MDGA2: variants seen among roughly 807,000 people sequenced by gnomAD.
The protein encoded by MDGA2 is MAM domain-containing glycosylphosphatidylinositol anchor protein 2.
Under a neutral mutation model 117.8 loss-of-function variants are expected in MDGA2, and 40 were observed. The observed-to-expected ratio is 0.34, with a 90% CI of 0.26 to 0.44. The LOEUF (loss-of-function observed/expected upper bound fraction) is 0.44. Among genes scored for constraint, MDGA2 ranks in the 20% least tolerant of loss-of-function variants. The probability of loss-of-function intolerance (pLI) is 1.00; values close to 1 mark genes in which losing one functional copy is unlikely to be tolerated. For missense variants in MDGA2, 1,123 were observed against 1,250.6 expected, an observed-to-expected ratio of 0.90 and a Z score of 1.54; for synonymous variants, 452 against 439.0, an observed-to-expected ratio of 1.03 and a Z score of -0.37.
intron 1 of MDGA2, among the ~76,000 whole-genome samples, chr14:47,383,801 T>A (rs7152403): frequency 0.72 from 109,803 of 151,958 alleles, 39,953 homozygotes; most frequent in Middle Eastern, 0.82. Flanking sequence ...CTGGTATTAC[T>A]GGCGTGAACC....
intron 2 of MDGA2, among the ~76,000 whole-genome samples, chr14:47,228,397 TG>T (rs34669065): frequency 0.11 from 16,499 of 152,182 alleles, 1,213 homozygotes; most frequent in Non-Finnish European, 0.17. Context: ...GACTTTATGA[TG>T]GTGTGAAAAC....
chr14:47,271,681 C>T (rs926719389), intron 2 of MDGA2, among the ~76,000 whole-genome samples: 18 of 151,262 alleles, frequency 1.2e-4, no homozygotes, highest in African/African-American at 4.2e-4. Context: ...TTCTTTTCTC[C>T]CTTTAGACAT....
intron 1 of MDGA2, among the ~76,000 whole-genome samples, chr14:47,474,109 A>G (rs192052630): frequency 6.6e-6 from 1 of 152,336 alleles, no homozygotes; most frequent in East Asian, 1.9e-4. Context: ...AAGCTTCTTA[A>G]GCTGATAAAC....
chr14:47,360,087 C>T (rs1470935311), intron 1 of MDGA2, among the ~76,000 whole-genome samples: 1 of 152,104 alleles, frequency 6.6e-6, no homozygotes, highest in Non-Finnish European at 1.5e-5. Flanking sequence ...TGCAGTGGCT[C>T]ATGCCTGTAA....
At chr14:47,046,382 C>A (rs1421509937) in intron 7 of MDGA2, among the ~76,000 whole-genome samples, 1 of 151,644 alleles carries the variant, frequency 6.6e-6, no homozygotes, top group Non-Finnish European at 1.5e-5. Flanking sequence ...TGTTCTCACT[C>A]ATAGGTGGGA....
intron 8 of MDGA2, among the ~76,000 whole-genome samples, chr14:47,014,833 G>C (rs1362005814): frequency 6.6e-6 from 1 of 152,110 alleles, no homozygotes. Flanking sequence ...CACTGGAGTA[G>C]CACTTTTAGT....
chr14:47,466,784 A>G (rs181950508), intron 1 of MDGA2, among the ~76,000 whole-genome samples: 4 of 152,176 alleles, frequency 2.6e-5, no homozygotes, highest in African/African-American at 9.6e-5. Flanking sequence ...GATATATTGG[A>G]TATTAATATA....
Position 47,272,482 on chromosome 14 carries a change from G to T in MDGA2, c.420+28929C>A, listed in dbSNP as rs188285698. Among the ~76,000 whole-genome samples the T allele has an allele frequency of 2.1e-3, 320 of 152,192 alleles. 1 individual carries two copies. Among genetic ancestry groups the T allele is most frequent in the Non-Finnish European group, 3.4e-3 (232 of 68,002 alleles). ...GGGGGAGTTGAAAGACGAAGGGAAG[G>T]AAAAGTTCTCACCTATCCTCTGCCC... On this transcript the variant is annotated intron_variant, in intron 2 of 16. Transcript: ENST00000399232.
intron 2 of MDGA2, among the ~76,000 whole-genome samples, chr14:47,282,118 A>G (rs1566718389): frequency 6.6e-6 from 1 of 152,078 alleles, no homozygotes; most frequent in Admixed American, 6.6e-5. Context: ...GTTTGTATAG[A>G]AAAGTCAGGA....
intron 8 of MDGA2, among the ~76,000 whole-genome samples, chr14:46,980,210 G>C (rs935155196): frequency 5.9e-5 from 9 of 152,168 alleles, no homozygotes; most frequent in Admixed American, 5.9e-4. Context: ...TTTGGAAAAA[G>C]TTGATCCCAA....
chr14:46,920,197 C>T (rs778232500), intron 9 of MDGA2, 37 bp from the exon 10 acceptor site: 2 of 1,591,868 alleles, frequency 1.3e-6, no homozygotes, highest in South Asian at 2.3e-5. Flanking sequence ...TGAATGATGA[C>T]ATATTGTAGT....
At chr14:47,471,912 T>A (rs1893736056) in intron 1 of MDGA2, among the ~76,000 whole-genome samples, 1 of 152,150 alleles carries the variant, frequency 6.6e-6, no homozygotes, top group South Asian at 2.1e-4. Context: ...ACCAGGCTTG[T>A]ACAAATAGAA....
intron 1 of MDGA2, among the ~76,000 whole-genome samples, chr14:47,484,833 C>T (rs976481955): frequency 4.6e-5 from 7 of 152,086 alleles, no homozygotes; most frequent in Non-Finnish European, 1.0e-4. Flanking sequence ...TGCCACCATC[C>T]ATGTAGGATG....
rs372150369 is a variant in MDGA2, at chr14:47,228,627, C to T, written c.421-10432G>A. On this transcript the variant is annotated intron_variant, in intron 2 of 16. Transcript: ENST00000399232. ...AGGTAAATTAATGCATTTTTTTCTG[C>T]TTACAATGGGTTTATTGGAATGTAA... Among the ~76,000 whole-genome samples, 11 of 152,032 alleles carry T rather than the reference C, an allele frequency of 7.2e-5. No homozygotes were observed. The East Asian group carries it at 9.7e-4, about 13-fold the overall frequency.
chr14:47,317,873 T>C lies in MDGA2; in HGVS notation c.281-16323A>G, dbSNP rs2139863893. ...CTGTGCCCAGCTGTCTACTTGACAGTTTCTCTTGATGTCTTAAATATATCC... is the reference window on the plus strand; with the variant it reads ...CTGTGCCCAGCTGTCTACTTGACAGCTTCTCTTGATGTCTTAAATATATCC... On this transcript the variant is annotated intron_variant, in intron 1 of 16. Coordinates refer to ENST00000399232, the MANE Select transcript of MDGA2 (RefSeq NM_001113498.3). 2.6e-5 allele frequency among the ~76,000 whole-genome samples: 4 copies of C among 152,164 alleles called. No homozygotes were observed. In the South Asian group the frequency reaches 8.3e-4, roughly 32 times the overall value.
Position 47,122,507 on chromosome 14 carries a change from T to C in MDGA2, c.925+9207A>G, listed in dbSNP as rs374845507. Among the ~76,000 whole-genome samples, 23 of 152,214 alleles carry C rather than the reference T, an allele frequency of 1.5e-4. No homozygotes were observed. The East Asian group carries it at 2.7e-3, about 18-fold the overall frequency. ...CCTGCCTAAAGATGACATTTTGACA[T>C]AATCTATCCTAGTATTCGGAGTGAA... is the stretch of plus-strand genomic sequence containing the variant. On this transcript the variant is annotated intron_variant, in intron 5 of 16. Transcript: ENST00000399232.
At chr14:47,313,873 T>TA (rs1889719700) in intron 1 of MDGA2, among the ~76,000 whole-genome samples, 1 of 152,056 alleles carries the variant, frequency 6.6e-6, no homozygotes, top group South Asian at 2.1e-4. Flanking sequence ...GGTCCATCTC[T>TA]AAAAAAATTA....
chr14:47,516,406 A>G (rs1894751749), intron 1 of MDGA2, among the ~76,000 whole-genome samples: 1 of 152,116 alleles, frequency 6.6e-6, no homozygotes, highest in Non-Finnish European at 1.5e-5. Flanking sequence ...ATTCCTTTGA[A>G]CTTATTCTTA....
intron 1 of MDGA2, among the ~76,000 whole-genome samples, chr14:47,419,156 T>G (rs763393809): frequency 6.6e-6 from 1 of 152,150 alleles, no homozygotes; most frequent in Non-Finnish European, 1.5e-5. Flanking sequence ...TTCCATGGTA[T>G]AAATGAATAT....
Sources: gnomAD v4.1 joint callset for allele counts (sites outside exome capture counted in the v4.1 genomes callset) on GRCh38, gnomAD v4.1.1 for gene constraint, MANE v1.5 for transcripts, NCBI Gene and HGNC (gene_info 2026-07-23, HGNC 2026-07-21) for gene names.